The following GRIK1 variants were observed in gnomAD, a reference collection of about 807,000 sequenced individuals.
GRIK1 encodes the protein glutamate ionotropic receptor kainate type subunit 1, also known as glutamate receptor ionotropic, kainate 1.
GRIK1 carries 69 observed loss-of-function variants against 105.7 expected under a neutral mutation model. The observed-to-expected ratio is 0.65, with a 90% CI of 0.54 to 0.80. The LOEUF (loss-of-function observed/expected upper bound fraction) is 0.80, where lower values mean the gene tolerates loss of function less well. GRIK1 is among the 30% of genes least tolerant of loss of function. GRIK1 has a pLI of 0.00. For synonymous variants in GRIK1, 438 were observed against 431.3 expected (o/e 1.02, Z -0.19); for missense variants, 1,109 against 1,167.3 (o/e 0.95, Z 0.73).
intron 14 of GRIK1, among the ~76,000 whole-genome samples, chr21:29,564,797 G>A (rs2090574878): frequency 6.6e-6 from 1 of 152,204 alleles, no homozygotes; most frequent in African/African-American, 2.4e-5. Flanking sequence ...GAGAGGTCAT[G>A]AGTTTAGTGC....
At chr21:29,763,441 A>C (rs575532456) in intron 1 of GRIK1, 2 of 152,438 alleles carry the variant, frequency 1.3e-5, no homozygotes, top group Non-Finnish European at 1.5e-5. Flanking sequence ...ACAAGAAGGC[A>C]TAAAGCCTTC....
At chr21:29,760,530 C>A (rs1303893883) in intron 1 of GRIK1, 1 of 152,202 alleles carries the variant, frequency 6.6e-6, no homozygotes, top group Non-Finnish European at 1.5e-5. Flanking sequence ...TTCAAACGTT[C>A]CCATTTCACC....
At chr21:29,567,814 T>C (rs547848792) in intron 14 of GRIK1, among the ~76,000 whole-genome samples, 106 of 152,318 alleles carry the variant, frequency 7.0e-4, no homozygotes, top group African/African-American at 1.7e-3. Context: ...CATTAAATAA[T>C]AAATTCTCAT....
intron 1 of GRIK1, among the ~76,000 whole-genome samples, chr21:29,766,354 T>C (rs1025842157): frequency 6.6e-6 from 1 of 152,196 alleles, no homozygotes; most frequent in Non-Finnish European, 1.5e-5. Flanking sequence ...TAGGTGCTAC[T>C]GGCTTCCAGT....
At chr21:29,746,539 ACACATGTATTGATATCATTC>A (rs781742173) in intron 1 of GRIK1, among the ~76,000 whole-genome samples, 64 of 152,234 alleles carry the variant, frequency 4.2e-4, no homozygotes, top group Non-Finnish European at 7.9e-4. Flanking sequence ...GTGCACACTA[ACACATGTATTGATATCATTC>A]CGGCTAATTC....
intron 1 of GRIK1, among the ~76,000 whole-genome samples, chr21:29,905,743 C>T (rs1229324761): frequency 6.9e-6 from 1 of 144,414 alleles, no homozygotes; most frequent in Non-Finnish European, 1.5e-5. Flanking sequence ...TCTCCTGCCT[C>T]AGCCTCCGAA....
intron 1 of GRIK1, chr21:29,861,790 C>A: frequency 3.1e-6 from 1 of 319,798 alleles, no homozygotes; most frequent in Non-Finnish European, 6.2e-6. Context: ...CTTGAACCAG[C>A]CTTAAATACC....
At chr21:29,812,967 G>A (rs1345002618) in intron 1 of GRIK1, among the ~76,000 whole-genome samples, 1 of 152,168 alleles carries the variant, frequency 6.6e-6, no homozygotes, top group South Asian at 2.1e-4. Context: ...TACGTAGGAA[G>A]ATAAGATATT....
chr21:29,603,188 G>A (rs2061550150), intron 7 of GRIK1, among the ~76,000 whole-genome samples: 1 of 152,078 alleles, frequency 6.6e-6, no homozygotes, highest in Non-Finnish European at 1.5e-5. Context: ...CATTCAGATA[G>A]AGTGGATATT....
intron 7 of GRIK1, among the ~76,000 whole-genome samples, chr21:29,599,687 C>G (rs550053638): frequency 6.6e-6 from 1 of 152,150 alleles, no homozygotes; most frequent in Non-Finnish European, 1.5e-5. Context: ...TTTCCTCCTC[C>G]CCTGCTGTCT....
intron 1 of GRIK1, among the ~76,000 whole-genome samples, chr21:29,818,979 T>C (rs1213110077): frequency 6.6e-6 from 1 of 152,058 alleles, no homozygotes; most frequent in Non-Finnish European, 1.5e-5. Context: ...ATTATCCCTC[T>C]CCTTAACTGG....
rs188389711 is a variant in GRIK1 at position 29,552,520 on chromosome 21, C to T, written c.2607+2532G>A. ...ATTTTTTCCTTCTTGCCCGTTTCCC[C>T]AGAATACTTTAAATGAATTAATAAT... On this transcript the variant is annotated intron_variant, in intron 16 of 17. Transcript: ENST00000327783. 1.0e-3 allele frequency among the ~76,000 whole-genome samples: 152 copies of T among 152,076 alleles called. 1 individual carries two copies. Among genetic ancestry groups the T allele is most frequent in the African/African-American group, 3.3e-3 (135 of 41,526 alleles).
intron 1 of GRIK1, among the ~76,000 whole-genome samples, chr21:29,785,673 G>A (rs2066241389): frequency 6.6e-6 from 1 of 151,196 alleles, no homozygotes; most frequent in Non-Finnish European, 1.5e-5. Flanking sequence ...TGTTCCTTAT[G>A]TGACAGCTTT....
chr21:29,927,953 C>G (rs1272594825), intron 1 of GRIK1, among the ~76,000 whole-genome samples: 1 of 151,976 alleles, frequency 6.6e-6, no homozygotes, highest in Non-Finnish European at 1.5e-5. Flanking sequence ...TACATATATA[C>G]ATATATATAC....
At chr21:29,750,923 GAA>G (rs1314539622) in intron 1 of GRIK1, among the ~76,000 whole-genome samples, 1 of 152,156 alleles carries the variant, frequency 6.6e-6, no homozygotes, top group Non-Finnish European at 1.5e-5. Flanking sequence ...GACTGAGTCC[GAA>G]AAGAGTCAGC....
At chr21:29,626,851 T>C (rs1047854718) in intron 7 of GRIK1, among the ~76,000 whole-genome samples, 1 of 152,216 alleles carries the variant, frequency 6.6e-6, no homozygotes, top group Non-Finnish European at 1.5e-5. Flanking sequence ...CTTTTTGCCC[T>C]GGATGCCTGA....
chr21:29,826,606 G>A lies in GRIK1; in HGVS notation c.118+112777C>T, dbSNP rs1601793863. Among the ~76,000 whole-genome samples, 4 of 152,024 alleles carry A rather than the reference G, an allele frequency of 2.6e-5. No homozygotes were observed. The South Asian group carries it at 8.3e-4, about 32-fold the overall frequency. ...TGCCAGGCCACCCTGCAGATTTTGG[G>A]CTTGCCAGCCCCCATGATTGATGAG... On this transcript the variant is annotated intron_variant, in intron 1 of 17. Coordinates refer to ENST00000327783, the MANE Select transcript of GRIK1 (RefSeq NM_001330994.2).
At chr21:29,808,619 A>G (rs1307311438) in intron 1 of GRIK1, among the ~76,000 whole-genome samples, 1 of 152,186 alleles carries the variant, frequency 6.6e-6, no homozygotes, top group East Asian at 1.9e-4. Context: ...TTGAAGTTCT[A>G]GCAGCATTCA....
Position 29,835,649 on chromosome 21 carries a change from G to A in GRIK1, c.118+103734C>T, listed in dbSNP as rs148425934. Among the ~76,000 whole-genome samples, 59 of 152,172 alleles carry A rather than the reference G, an allele frequency of 3.9e-4. No individual in the cohort carries two copies. In the East Asian group the frequency reaches 0.01, roughly 26 times the overall value. ...GGAATTCTGGGGCTTCAAACCTCTCGGGATCTTTAAGGCTATATTTTATAT... is the reference window on the plus strand; with the variant it reads ...GGAATTCTGGGGCTTCAAACCTCTCAGGATCTTTAAGGCTATATTTTATAT... On this transcript the variant is annotated intron_variant, in intron 1 of 17. Coordinates refer to ENST00000327783, the MANE Select transcript of GRIK1 (RefSeq NM_001330994.2).
Sources: allele counts gnomAD v4.1 joint callset (sites outside exome capture counted in the v4.1 genomes callset), GRCh38; gene constraint gnomAD v4.1.1; transcripts MANE v1.5; gene names NCBI Gene and HGNC (gene_info 2026-07-23, HGNC 2026-07-21).